The following KBTBD11 variants were observed in gnomAD, a reference collection of about 807,000 sequenced individuals.
KBTBD11 encodes the protein kelch repeat and BTB domain containing 11.
For missense variants in KBTBD11, 1,390 were observed against 1,001.8 expected (o/e 1.39, Z -5.23); for synonymous variants, 747 against 499.0 (o/e 1.50, Z -6.63).
intron 1 of KBTBD11, among the ~76,000 whole-genome samples, chr8:1,989,618 C>G (rs1419765545): frequency 1.3e-5 from 2 of 152,180 alleles, no homozygotes; most frequent in Admixed American, 6.5e-5. Flanking sequence ...GGAAGCAGAT[C>G]AGGAAATCTA....
intron 1 of KBTBD11, among the ~76,000 whole-genome samples, chr8:1,994,996 T>C (rs948735181): frequency 2.0e-5 from 3 of 147,400 alleles, no homozygotes; most frequent in Non-Finnish European, 4.4e-5. Context: ...GAGGCAGAGG[T>C]TGCAGTGAGC....
rs1317365781 is a variant in KBTBD11 at position 2,002,516 on chromosome 8, C to G, written c.1324C>G (p.Pro442Ala). 6.6e-7 allele frequency: 1 copy of G among 1,523,654 alleles called. No individual in the cohort carries two copies. The highest frequency in any genetic ancestry group is 1.4e-5 in the African/African-American group (1 of 70,324). The allele number at this position is 1,523,654 out of a possible 1,614,324, so 94.4% of individuals were successfully genotyped here. A position where few individuals can be genotyped will look rare whatever the true frequency, so the allele number is the denominator to read the frequency against. The change falls in exon 2 of 2, where the codon CCC becomes GCC. Residue 442 changes from proline (P) to alanine (A), a missense_variant. Physicochemically the swap from Pro to Ala is conservative, Grantham distance 27. Transcript: ENST00000320248. This position sits in a 1 kb window ranked among gnomAD's most constrained non-coding sequence, Gnocchi z 4.1. ...ADRWAPVAPLPRGAFAVAHEA... is the reference protein window; with the variant it reads ...ADRWAPVAPLARGAFAVAHEA... ...CCGCTGGGCCCCCGTGGCGCCGCTG[C>G]CCCGGGGCGCCTTCGCCGTGGCGCA... is the stretch of plus-strand genomic sequence containing the variant.
chr8:2,001,539 AC>A lies in KBTBD11; in HGVS notation c.351del (p.Ala118ArgfsTer62). 2 of 1,430,714 alleles carry A rather than the reference AC, an allele frequency of 1.4e-6. No individual in the cohort carries two copies. Among genetic ancestry groups the A allele is most frequent in the Non-Finnish European group, 1.8e-6 (2 of 1,097,946 alleles). The allele number at this position is 1,430,714 out of a possible 1,614,324, so 88.6% of individuals were successfully genotyped here. On this transcript the variant is annotated frameshift_variant, in exon 2 of 2. Transcript: ENST00000320248. LOFTEE classifies it low-confidence loss of function (END_TRUNC). ...PSPEPRVWLE[D>X]PASPEEPGEP... ...CCCGAACCGCGCGTTTGGCTTGAGG[AC>A]CCCGCGTCCCCCGAGGAGCCCGGGG... is the stretch of plus-strand genomic sequence containing the variant.
intron 1 of KBTBD11, among the ~76,000 whole-genome samples, chr8:1,986,915 G>A (rs1816722311): frequency 1.4e-5 from 2 of 144,244 alleles, no homozygotes; most frequent in African/African-American, 2.6e-5. Flanking sequence ...CCTCACTCCT[G>A]TAATCTCAGC....
chr8:2,004,463 C>T lies in KBTBD11; in HGVS notation c.*1399C>T, dbSNP rs1295387101. ...TGGAACGTAACTAGTTGAAATCCTG[C>T]CTACTTTAATATTATTTGTTTGTTA... On this transcript the variant is annotated 3_prime_UTR_variant, in exon 2 of 2. Transcript: ENST00000320248. 1 of 166,918 alleles carries T rather than the reference C, an allele frequency of 6.0e-6. No homozygotes were observed. The highest frequency in any genetic ancestry group is 6.5e-5 in the Admixed American group (1 of 15,282). The allele number at this position is 166,918 out of a possible 1,614,324, so 10.3% of individuals were successfully genotyped here. A position where few individuals can be genotyped will look rare whatever the true frequency, so the allele number is the denominator to read the frequency against.
intron 1 of KBTBD11, among the ~76,000 whole-genome samples, chr8:1,986,514 C>G (rs1040417189): frequency 6.6e-6 from 1 of 152,244 alleles, no homozygotes; most frequent in Non-Finnish European, 1.5e-5. Context: ...TTTATGAAAC[C>G]AACAGCTCAG....
At chr8:1,986,890 A>G (rs1816721526) in intron 1 of KBTBD11, among the ~76,000 whole-genome samples, 1 of 151,534 alleles carries the variant, frequency 6.6e-6, no homozygotes, top group Non-Finnish European at 1.5e-5. Context: ...AAACTAGATG[A>G]GGCCAGGCGT....
intron 1 of KBTBD11, chr8:1,974,670 G>A: frequency 1.0e-6 from 1 of 985,380 alleles, no homozygotes; most frequent in Non-Finnish European, 1.2e-6. Context: ...CGCCCCATGT[G>A]CTGGGGAGAC....
At position 2,006,672 on chromosome 8, in the gene KBTBD11, C is replaced by G. The variant is rs890481506; in HGVS notation, c.*3608C>G. 6.0e-6 allele frequency: 1 copy of G among 167,080 alleles called. No homozygotes were observed. Among genetic ancestry groups the G allele is most frequent in the African/African-American group, 2.4e-5 (1 of 41,442 alleles). The allele number at this position is 167,080 out of a possible 1,614,324, so 10.3% of individuals were successfully genotyped here. A position where few individuals can be genotyped will look rare whatever the true frequency, so the allele number is the denominator to read the frequency against. On this transcript the variant is annotated 3_prime_UTR_variant, in exon 2 of 2. Transcript: ENST00000320248. ...GCCAAGTGGATGGATTTGGATTGAA[C>G]GCATATGAAACAGGAGACGGGTTCT...
In KBTBD11 at chr8:2,005,028, T is replaced by C. The variant is rs3087819; in HGVS notation, c.*1964T>C. On this transcript the variant is annotated 3_prime_UTR_variant, in exon 2 of 2. Coordinates refer to ENST00000320248, the MANE Select transcript of KBTBD11 (RefSeq NM_014867.3). ...TGTGAAATCATTCCTGTAATGTTTA[T>C]TGTTTGAAAATGAAATATTGAAATT... 1.8e-5 allele frequency: 3 copies of C among 167,028 alleles called. No individual in the cohort carries two copies. The highest frequency in any genetic ancestry group is 4.4e-5 in the Non-Finnish European group (3 of 68,132). The allele number at this position is 167,028 out of a possible 1,614,324, so 10.3% of individuals were successfully genotyped here.
intron 1 of KBTBD11, among the ~76,000 whole-genome samples, chr8:1,986,588 T>C (rs915562225): frequency 6.6e-6 from 1 of 152,204 alleles, no homozygotes; most frequent in Non-Finnish European, 1.5e-5. Flanking sequence ...TGGCTGGAAC[T>C]TTTAGTAACT....
Position 2,002,638 on chromosome 8 carries a change from G to A in KBTBD11, c.1446G>A (p.Glu482=). 6.3e-7 allele frequency: 1 copy of A among 1,580,328 alleles called. No individual in the cohort carries two copies. Among genetic ancestry groups the A allele is most frequent in the Admixed American group, 1.7e-5 (1 of 57,936 alleles). ...KYDPRRDEWQ[E]CPCSSSRERS... is the part of the protein sequence containing the mutation. ...ACCCGCGGCGCGACGAGTGGCAGGA[G>A]TGCCCGTGCAGCAGCAGCCGCGAGC... is the stretch of plus-strand genomic sequence containing the variant. Residue 482 remains glutamate, a synonymous_variant, in exon 2 of 2, where the codon GAG becomes GAA. Coordinates refer to ENST00000320248, the MANE Select transcript of KBTBD11 (RefSeq NM_014867.3). The surrounding 1 kb of genome is among the most constrained non-coding windows in gnomAD (Gnocchi z 4.1).
At chr8:1,974,884 C>G (rs1014087613) in intron 1 of KBTBD11, 6 of 201,828 alleles carry the variant, frequency 3.0e-5, no homozygotes, top group African/African-American at 9.5e-5. Flanking sequence ...CTACTCAGCC[C>G]ACGAAAGGCG....
chr8:1,984,788 C>T (rs745503855), intron 1 of KBTBD11, among the ~76,000 whole-genome samples: 3 of 152,092 alleles, frequency 2.0e-5, no homozygotes, highest in Admixed American at 6.5e-5. Context: ...AGTAAAATCT[C>T]GTATCATTAA....
chr8:1,980,428 T>C (rs546684134), intron 1 of KBTBD11, among the ~76,000 whole-genome samples: 2 of 152,290 alleles, frequency 1.3e-5, no homozygotes, highest in African/African-American at 4.8e-5. Flanking sequence ...GGTTTCACCA[T>C]GTTGGCCAGG....
At position 2,004,034 on chromosome 8, in the gene KBTBD11, A is replaced by G. The variant is rs980230067; in HGVS notation, c.*970A>G. The G allele has an allele frequency of 6.0e-6, 1 of 166,792 alleles. No homozygotes were observed. The highest frequency in any genetic ancestry group is 2.1e-4 in the South Asian group (1 of 4,832). The allele number at this position is 166,792 out of a possible 1,614,324, so 10.3% of individuals were successfully genotyped here. A position where few individuals can be genotyped will look rare whatever the true frequency, so the allele number is the denominator to read the frequency against. On this transcript the variant is annotated 3_prime_UTR_variant, in exon 2 of 2. Coordinates refer to ENST00000320248, the MANE Select transcript of KBTBD11 (RefSeq NM_014867.3). ...AAAAGTGTAGGCACATTTTAAACCC[A>G]CTGTATATGATGTTTTCAATGTGGA...
At chr8:1,986,587 C>A (rs542303214) in intron 1 of KBTBD11, among the ~76,000 whole-genome samples, 1 of 152,278 alleles carries the variant, frequency 6.6e-6, no homozygotes, top group East Asian at 1.9e-4. Context: ...TTGGCTGGAA[C>A]TTTTAGTAAC....
intron 1 of KBTBD11, among the ~76,000 whole-genome samples, chr8:1,979,535 C>T (rs1289980073): frequency 6.6e-6 from 1 of 152,180 alleles, no homozygotes; most frequent in Non-Finnish European, 1.5e-5. Flanking sequence ...GAGGCTGAGG[C>T]ATGGGAATTG....
At chr8:1,997,388 A>G (rs1392168485) in intron 1 of KBTBD11, among the ~76,000 whole-genome samples, 1 of 150,908 alleles carries the variant, frequency 6.6e-6, no homozygotes, top group Non-Finnish European at 1.5e-5. Context: ...AAATTTCAGT[A>G]ATGGGTCATT....
Sources: allele counts gnomAD v4.1 joint callset (sites outside exome capture counted in the v4.1 genomes callset), GRCh38; gene constraint gnomAD v4.1.1; non-coding constraint Gnocchi (gnomAD v3.1); transcripts MANE v1.5; gene names NCBI Gene and HGNC (gene_info 2026-07-23, HGNC 2026-07-21).